PTPRT: variants seen among roughly 807,000 people sequenced by gnomAD.
PTPRT encodes protein tyrosine phosphatase receptor type T, also known as receptor-type tyrosine-protein phosphatase T.
A neutral mutation model predicts 176.8 loss-of-function variants in PTPRT; 56 were observed. The observed-to-expected ratio is 0.32, with a 90% CI of 0.26 to 0.40. PTPRT has a LOEUF of 0.40. PTPRT is among the 10% of genes least tolerant of loss of function. The probability of loss-of-function intolerance (pLI) is 1.00; values close to 1 mark genes in which losing one functional copy is unlikely to be tolerated. For missense variants in PTPRT, 1,540 were observed against 1,908.2 expected (o/e 0.81, Z 3.60); for synonymous variants, 783 against 739.0 (o/e 1.06, Z -0.96).
At chr20:42,474,512 C>T (rs576986030) in intron 7 of PTPRT, among the ~76,000 whole-genome samples, 4 of 152,182 alleles carry the variant, frequency 2.6e-5, no homozygotes, top group Non-Finnish European at 5.9e-5. Context: ...ACTCTTACAG[C>T]CCAATTATTC....
chr20:42,068,342 T>A (rs905925046), downstream of PTPRT, among the ~76,000 whole-genome samples: 7 of 152,186 alleles, frequency 4.6e-5, no homozygotes, highest in Non-Finnish European at 7.3e-5. Flanking sequence ...GCGGTTAGGC[T>A]GAGAATATTT....
chr20:42,610,601 G>A (rs559988279), intron 7 of PTPRT, among the ~76,000 whole-genome samples: 1 of 152,046 alleles, frequency 6.6e-6, no homozygotes, highest in South Asian at 2.1e-4. Context: ...GACAGGAAGG[G>A]GTTTAGAATT....
In PTPRT at chr20:42,074,691, C is replaced by A. The variant is rs1982603796; in HGVS notation, c.*6188G>T. The A allele has an allele frequency of 2.5e-6, 1 of 398,302 alleles. No homozygotes were observed. The highest frequency in any genetic ancestry group is 4.4e-6 in the Non-Finnish European group (1 of 225,918). The allele number at this position is 398,302 out of a possible 1,614,324, so 24.7% of individuals were successfully genotyped here. A position where few individuals can be genotyped will look rare whatever the true frequency, so the allele number is the denominator to read the frequency against. On this transcript the variant is annotated 3_prime_UTR_variant, in exon 31 of 31. Transcript: ENST00000373187. ...GGTGGGATGCTAGGTTTGGAGGCTA[C>A]CATTGTGAGTGTTGATGCCTCCTTT...
intron 17 of PTPRT, among the ~76,000 whole-genome samples, chr20:42,159,230 A>G (rs984497121): frequency 1.4e-5 from 2 of 146,242 alleles, no homozygotes; most frequent in Admixed American, 7.0e-5. Flanking sequence ...CCAAACAGCT[A>G]TTTATTATCC....
intron 7 of PTPRT, among the ~76,000 whole-genome samples, chr20:42,551,680 G>A (rs1386206125): frequency 2.0e-5 from 3 of 152,098 alleles, no homozygotes; most frequent in Admixed American, 1.3e-4. Context: ...TTGACTTACG[G>A]TCTGCCCCTT....
intron 4 of PTPRT, 69 bp from the exon 5 acceptor site, chr20:42,771,619 T>A: frequency 7.6e-7 from 1 of 1,322,252 alleles, no homozygotes; most frequent in South Asian, 1.2e-5. Flanking sequence ...TATTGGTGGA[T>A]GGCAGCTCAG....
At chr20:42,966,911 C>A (rs1348808624) in intron 1 of PTPRT, among the ~76,000 whole-genome samples, 1 of 152,204 alleles carries the variant, frequency 6.6e-6, no homozygotes, top group African/African-American at 2.4e-5. Flanking sequence ...ATAACAGTCA[C>A]TTGCATTTCT....
At chr20:42,631,882 T>C (rs2074415233) in intron 7 of PTPRT, among the ~76,000 whole-genome samples, 1 of 152,182 alleles carries the variant, frequency 6.6e-6, no homozygotes, top group Non-Finnish European at 1.5e-5. Flanking sequence ...GGAGATAACC[T>C]ATAAGCCTTT....
chr20:43,154,303 C>T (rs1179919821), intron 1 of PTPRT, among the ~76,000 whole-genome samples: 1 of 152,138 alleles, frequency 6.6e-6, no homozygotes, highest in Non-Finnish European at 1.5e-5. Flanking sequence ...GTGCTCTTGG[C>T]ACTTTTGTTG....
At chr20:42,587,669 G>C (rs1025945530) in intron 7 of PTPRT, among the ~76,000 whole-genome samples, 5 of 152,186 alleles carry the variant, frequency 3.3e-5, no homozygotes, top group African/African-American at 1.2e-4. Context: ...CCCTCACCTT[G>C]GCTGTGACTG....
intron 7 of PTPRT, among the ~76,000 whole-genome samples, chr20:42,530,117 C>A (rs2145536859): frequency 6.6e-6 from 1 of 152,270 alleles, no homozygotes; most frequent in South Asian, 2.1e-4. Context: ...TAGTTGATTT[C>A]ATCTATCTTG....
the PTPRT span, among the ~76,000 whole-genome samples, chr20:42,053,853 C>A: frequency 6.6e-6 from 1 of 152,180 alleles, no homozygotes. Flanking sequence ...CTAAATCAGA[C>A]ATCATTGTCT....
At chr20:42,418,424 T>A (rs1320805448) in intron 9 of PTPRT, among the ~76,000 whole-genome samples, 1 of 152,188 alleles carries the variant, frequency 6.6e-6, no homozygotes, top group African/African-American at 2.4e-5. Context: ...ACTGACCACA[T>A]TATCAGCCTT....
intron 16 of PTPRT, among the ~76,000 whole-genome samples, chr20:42,168,318 G>A (rs761091809): frequency 7.9e-5 from 12 of 152,284 alleles, no homozygotes; most frequent in South Asian, 4.1e-4. Flanking sequence ...GTCTTTATTT[G>A]TAATTGCTGA....
At chr20:42,131,121 C>T (rs964826341) in intron 18 of PTPRT, among the ~76,000 whole-genome samples, 1 of 152,148 alleles carries the variant, frequency 6.6e-6, no homozygotes, top group Non-Finnish European at 1.5e-5. Flanking sequence ...CTTGCTGTCC[C>T]AGAGTCTCAG....
At chr20:42,366,773 G>T (rs924793033) in intron 9 of PTPRT, among the ~76,000 whole-genome samples, 1 of 107,698 alleles carries the variant, frequency 9.3e-6, no homozygotes, top group Non-Finnish European at 2.2e-5. Context: ...CGGCACATGT[G>T]AGGAAGCTGA....
chr20:42,053,646 C>T, the PTPRT span, among the ~76,000 whole-genome samples: 4 of 152,176 alleles, frequency 2.6e-5, no homozygotes, highest in African/African-American at 7.2e-5. Flanking sequence ...GAGAGATGGA[C>T]GTCTTGCAAA....
Position 42,111,722 on chromosome 20 carries a change from C to A in PTPRT, c.3100-1235G>T, listed in dbSNP as rs368882101. Among the ~76,000 whole-genome samples the A allele has an allele frequency of 2.0e-4, 31 of 152,292 alleles. No individual in the cohort carries two copies. In the East Asian group the frequency reaches 6.0e-3, roughly 29 times the overall value. On this transcript the variant is annotated intron_variant, in intron 22 of 30. Coordinates refer to ENST00000373187, the MANE Select transcript of PTPRT (RefSeq NM_007050.6). ...GATGGATCAGGAAACTGAGGCTAAA[C>A]AAGGTTAAGTGACACACCCAAGGTC...
intron 2 of PTPRT, among the ~76,000 whole-genome samples, chr20:42,881,596 G>A (rs1401037667): frequency 1.3e-5 from 2 of 151,944 alleles, no homozygotes; most frequent in Non-Finnish European, 2.9e-5. Context: ...ATGGCGATGT[G>A]CGCCTGTAGT....
Sources: gnomAD v4.1 joint callset for allele counts (sites outside exome capture counted in the v4.1 genomes callset) on GRCh38, gnomAD v4.1.1 for gene constraint, MANE v1.5 for transcripts, NCBI Gene and HGNC (gene_info 2026-07-23, HGNC 2026-07-21) for gene names.